ULK4: variants seen among roughly 807,000 people sequenced by gnomAD.
The protein encoded by ULK4 is unc-51 like kinase 4, also known as inactive serine/threonine-protein kinase ULK4.
Under a neutral mutation model 160.6 loss-of-function variants are expected in ULK4, and 133 were observed. The observed-to-expected ratio is 0.83, with a 90% confidence interval of 0.72 to 0.96. The LOEUF is 0.96. Ranked by LOEUF, ULK4 falls within the 40% of genes least tolerant of loss-of-function variation. The pLI is 0.00. For missense variants in ULK4, 1,580 were observed against 1,499.5 expected (o/e 1.05, Z -0.89); for synonymous variants, 534 against 539.8 (o/e 0.99, Z 0.15).
chr3:41,841,609 C>T (rs113471865), intron 17 of ULK4, among the ~76,000 whole-genome samples: 1 of 151,940 alleles, frequency 6.6e-6, no homozygotes, highest in Admixed American at 6.5e-5. Context: ...GCCAGGCCGC[C>T]CCATCTGGGA....
intron 32 of ULK4, among the ~76,000 whole-genome samples, chr3:41,529,341 T>C (rs1304634077): frequency 1.3e-5 from 2 of 152,230 alleles, no homozygotes; most frequent in Non-Finnish European, 2.9e-5. Context: ...CAAACCTTCA[T>C]GTAGACATGT....
chr3:41,508,631 T>C (rs1351311956), intron 32 of ULK4, among the ~76,000 whole-genome samples: 1 of 152,148 alleles, frequency 6.6e-6, no homozygotes, highest in African/African-American at 2.4e-5. Flanking sequence ...GACATAAAGA[T>C]GGATCACATC....
Position 41,297,195 on chromosome 3 carries a change from A to G in ULK4, c.3679-47621T>C, listed in dbSNP as rs560081706. On this transcript the variant is annotated intron_variant, in intron 35 of 36. Transcript: ENST00000301831. ...CCTCCGTGAGCGCCTGCTGTGCATC[A>G]GCATCATGGAGGTCCCCATCTATTT... 4.0e-4 allele frequency among the ~76,000 whole-genome samples: 61 copies of G among 152,312 alleles called. No homozygotes were observed. In the Middle Eastern group the frequency reaches 0.01, roughly 25 times the overall value.
At chr3:41,513,493 C>T (rs934105629) in intron 32 of ULK4, among the ~76,000 whole-genome samples, 2 of 152,150 alleles carry the variant, frequency 1.3e-5, no homozygotes, top group East Asian at 1.9e-4. Flanking sequence ...GTTATCTGGG[C>T]GTGGTGGCGC....
chr3:41,923,278 C>T (rs1295908493), intron 5 of ULK4, among the ~76,000 whole-genome samples: 2 of 152,046 alleles, frequency 1.3e-5, no homozygotes, highest in African/African-American at 2.4e-5. Flanking sequence ...GTGGGCAGAT[C>T]ATTTGAGGTC....
chr3:41,732,786 C>T (rs2037877168), intron 22 of ULK4, among the ~76,000 whole-genome samples: 1 of 152,054 alleles, frequency 6.6e-6, no homozygotes, highest in Admixed American at 6.5e-5. Context: ...TAATAATATT[C>T]AACCATAAAA....
intron 35 of ULK4, among the ~76,000 whole-genome samples, chr3:41,380,552 G>A (rs2081626623): frequency 6.6e-6 from 1 of 152,030 alleles, no homozygotes; most frequent in African/African-American, 2.4e-5. Context: ...GCTGGAATCA[G>A]GAGTCATCCC....
At chr3:41,886,601 T>C (rs1049642346) in intron 16 of ULK4, among the ~76,000 whole-genome samples, 13 of 151,776 alleles carry the variant, frequency 8.6e-5, no homozygotes, top group African/African-American at 2.9e-4. Context: ...AGATGGAGTC[T>C]TGCTCTGTCA....
intron 30 of ULK4, among the ~76,000 whole-genome samples, chr3:41,622,335 G>T (rs2033286948): frequency 6.6e-6 from 1 of 152,114 alleles, no homozygotes; most frequent in Non-Finnish European, 1.5e-5. Flanking sequence ...CAATAGTAAA[G>T]ACTTGAAACC....
intron 22 of ULK4, among the ~76,000 whole-genome samples, chr3:41,732,913 G>C (rs1284160513): frequency 6.6e-6 from 1 of 152,068 alleles, no homozygotes; most frequent in Non-Finnish European, 1.5e-5. Context: ...TGATCTAATA[G>C]AAATAGAGAA....
chr3:41,891,885 A>G (rs1268720987), intron 16 of ULK4, among the ~76,000 whole-genome samples: 1 of 152,244 alleles, frequency 6.6e-6, no homozygotes, highest in Non-Finnish European at 1.5e-5. Flanking sequence ...AGCCTGAGTG[A>G]CTGAGCGAGA....
At chr3:41,736,698 T>G (rs1279758607) in intron 22 of ULK4, among the ~76,000 whole-genome samples, 1 of 151,180 alleles carries the variant, frequency 6.6e-6, no homozygotes, top group Non-Finnish European at 1.5e-5. Context: ...TTAGTTTAAT[T>G]AGATCCCATT....
intron 30 of ULK4, among the ~76,000 whole-genome samples, chr3:41,643,605 T>G (rs982182862): frequency 6.6e-6 from 1 of 152,206 alleles, no homozygotes; most frequent in South Asian, 2.1e-4. Flanking sequence ...CCTTGTAGTA[T>G]AGTTTGAAGT....
intron 22 of ULK4, among the ~76,000 whole-genome samples, chr3:41,723,346 T>C (rs2037541330): frequency 6.6e-6 from 1 of 152,128 alleles, no homozygotes; most frequent in Admixed American, 6.5e-5. Flanking sequence ...TTATATGGTC[T>C]GGATCTTTTA....
At chr3:41,442,562 C>T (rs2083198940) in intron 34 of ULK4, among the ~76,000 whole-genome samples, 1 of 152,064 alleles carries the variant, frequency 6.6e-6, no homozygotes, top group Non-Finnish European at 1.5e-5. Context: ...TTAGGTTGCT[C>T]CATGATCTTT....
intron 34 of ULK4, among the ~76,000 whole-genome samples, chr3:41,400,669 T>C (rs9838735): frequency 0.4 from 61,155 of 152,042 alleles, 12,666 homozygotes; most frequent in South Asian, 0.52. Flanking sequence ...TTAGCTTTCA[T>C]TCCTCTGGGA....
At chr3:41,566,449 C>G (rs1406872457) in intron 31 of ULK4, among the ~76,000 whole-genome samples, 1 of 152,210 alleles carries the variant, frequency 6.6e-6, no homozygotes, top group Non-Finnish European at 1.5e-5. Context: ...CTCAGAAGAT[C>G]ATGCTTGAAG....
chr3:41,399,058 G>A (rs1028132468), intron 34 of ULK4, among the ~76,000 whole-genome samples: 8 of 152,018 alleles, frequency 5.3e-5, no homozygotes, highest in Non-Finnish European at 1.2e-4. Flanking sequence ...CTACTGACCC[G>A]CTTCATAGTA....
intron 22 of ULK4, among the ~76,000 whole-genome samples, chr3:41,739,892 A>C (rs910782984): frequency 6.6e-6 from 1 of 151,918 alleles, no homozygotes; most frequent in Non-Finnish European, 1.5e-5. Context: ...CTGAATATCT[A>C]TTCATATCAT....
Sources: allele counts gnomAD v4.1 joint callset (sites outside exome capture counted in the v4.1 genomes callset), GRCh38; gene constraint gnomAD v4.1.1; transcripts MANE v1.5; gene names NCBI Gene and HGNC (gene_info 2026-07-23, HGNC 2026-07-21).